Variants in ROBO1 observed in about 807,000 individuals in gnomAD.
ROBO1 encodes the protein roundabout guidance receptor 1.
ROBO1 carries 149 observed loss-of-function variants against 195.9 expected under a neutral mutation model. The ratio of observed to expected loss-of-function variants is 0.76; its 90% confidence interval spans 0.67 to 0.87. ROBO1 has a LOEUF of 0.87. Ranked by LOEUF, ROBO1 falls within the 40% of genes least tolerant of loss-of-function variation. ROBO1 has a pLI of 0.00. For missense variants in ROBO1, 1,933 were observed against 2,068.3 expected (o/e 0.93, Z 1.27); for synonymous variants, 816 against 733.2 (o/e 1.11, Z -1.82).
intron 3 of ROBO1, among the ~76,000 whole-genome samples, chr3:78,944,930 C>T (rs1177671936): frequency 6.6e-6 from 1 of 152,170 alleles, no homozygotes; most frequent in Non-Finnish European, 1.5e-5. Context: ...ACAGCAGTCC[C>T]AGATCAAACT....
At chr3:78,900,450 T>C (rs2037515836) in intron 4 of ROBO1, among the ~76,000 whole-genome samples, 1 of 152,172 alleles carries the variant, frequency 6.6e-6, no homozygotes, top group Non-Finnish European at 1.5e-5. Context: ...TTTCAGTTCT[T>C]ATACTGCAGC....
At chr3:78,645,224 TA>T (rs922651034) in intron 21 of ROBO1, among the ~76,000 whole-genome samples, 1 of 152,086 alleles carries the variant, frequency 6.6e-6, no homozygotes, top group Non-Finnish European at 1.5e-5. Flanking sequence ...TCTTTTTTTT[TA>T]AACCACTCTT....
In ROBO1 at chr3:78,801,547, TACAA is replaced by T. The variant is rs1048676009; in HGVS notation, c.500-54651_500-54648del. Among the ~76,000 whole-genome samples, 40 of 152,232 alleles carry T rather than the reference TACAA, an allele frequency of 2.6e-4. No homozygotes were observed. In the Middle Eastern group the frequency reaches 0.01, roughly 39 times the overall value. On this transcript the variant is annotated intron_variant, in intron 4 of 30. Transcript: ENST00000464233. ...TAAAATGAAAATGTCATATTTGGGC[TACAA>T]ATTTTTAAATAGAAAAAATATAATT...
intron 1 of ROBO1, among the ~76,000 whole-genome samples, chr3:79,715,111 G>A (rs1702432394): frequency 6.6e-6 from 1 of 152,042 alleles, no homozygotes; most frequent in African/African-American, 2.4e-5. Context: ...CAAAGACAAT[G>A]GTTTCTGGAG....
At chr3:79,227,060 A>G (rs1000731231) in intron 2 of ROBO1, among the ~76,000 whole-genome samples, 2 of 152,204 alleles carry the variant, frequency 1.3e-5, no homozygotes, top group African/African-American at 4.8e-5. Flanking sequence ...CTTCTGATCC[A>G]TACTCTAAAG....
rs191209446 is a variant in ROBO1, at chr3:78,688,601, A to G, written c.1170+47T>C. ...GGTTTTTCTTCTCATACATCTTGGC[A>G]ACCATCTTTGCTGATTTAAAAAAAA... is the stretch of plus-strand genomic sequence containing the variant. On this transcript the variant is annotated intron_variant, in intron 9 of 30. Transcript: ENST00000464233. 1.4e-4 allele frequency: 208 copies of G among 1,510,008 alleles called. 1 individual carries two copies. In the East Asian group the frequency reaches 2.3e-3, roughly 17 times the overall value. 93.5% of individuals were successfully genotyped at this position (1,510,008 alleles called of 1,614,324 possible).
intron 1 of ROBO1, among the ~76,000 whole-genome samples, chr3:79,669,746 A>T (rs1320420043): frequency 6.6e-6 from 1 of 151,928 alleles, no homozygotes; most frequent in African/African-American, 2.4e-5. Context: ...AGAAAAAAGG[A>T]TAAAAGGGAG....
intron 1 of ROBO1, among the ~76,000 whole-genome samples, chr3:79,692,983 T>A (rs182317276): frequency 6.6e-6 from 1 of 151,922 alleles, no homozygotes; most frequent in East Asian, 1.9e-4. Flanking sequence ...ATATAACAAA[T>A]GTGTTTTGAC....
At chr3:78,805,779 ATTAG>A (rs563917211) in intron 4 of ROBO1, among the ~76,000 whole-genome samples, 143 of 152,258 alleles carry the variant, frequency 9.4e-4, no homozygotes, top group African/African-American at 3.1e-3. Flanking sequence ...ATTTAGATCT[ATTAG>A]TTAGTATATA....
intron 2 of ROBO1, among the ~76,000 whole-genome samples, chr3:79,188,569 C>T (rs957535936): frequency 1.3e-5 from 2 of 151,598 alleles, no homozygotes; most frequent in African/African-American, 4.8e-5. Flanking sequence ...CACACATATA[C>T]GTCGTCTTTC....
At chr3:79,340,934 G>A (rs960927262) in intron 2 of ROBO1, among the ~76,000 whole-genome samples, 1 of 152,204 alleles carries the variant, frequency 6.6e-6, no homozygotes, top group African/African-American at 2.4e-5. Flanking sequence ...TTAAGCAGAT[G>A]TGATTAGGAA....
intron 4 of ROBO1, among the ~76,000 whole-genome samples, chr3:78,856,554 T>C (rs956973381): frequency 4.0e-5 from 6 of 151,766 alleles, no homozygotes; most frequent in Non-Finnish European, 8.8e-5. Flanking sequence ...TAACCAATAA[T>C]TGCAAGAGTC....
chr3:79,409,832 T>A (rs1338081607), intron 2 of ROBO1, among the ~76,000 whole-genome samples: 2 of 152,164 alleles, frequency 1.3e-5, no homozygotes, highest in Non-Finnish European at 2.9e-5. Context: ...TTTAAAAACA[T>A]AAAATTGAAT....
At chr3:79,678,665 C>A (rs2106953739) in intron 1 of ROBO1, among the ~76,000 whole-genome samples, 1 of 152,126 alleles carries the variant, frequency 6.6e-6, no homozygotes, top group South Asian at 2.1e-4. Context: ...GTAGGAGTTT[C>A]TTTGACTTCA....
intron 4 of ROBO1, among the ~76,000 whole-genome samples, chr3:78,868,466 G>A (rs1019809619): frequency 6.6e-6 from 1 of 151,982 alleles, no homozygotes; most frequent in African/African-American, 2.4e-5. Context: ...TGTTTAAAAT[G>A]TTATTGTCTT....
At chr3:79,690,413 A>G (rs1357686367) in intron 1 of ROBO1, among the ~76,000 whole-genome samples, 2 of 151,940 alleles carry the variant, frequency 1.3e-5, no homozygotes, top group Non-Finnish European at 2.9e-5. Flanking sequence ...GTCTTTGAAC[A>G]TAGAGGAACA....
intron 4 of ROBO1, among the ~76,000 whole-genome samples, chr3:78,815,419 A>C (rs963966254): frequency 6.6e-6 from 1 of 152,158 alleles, no homozygotes; most frequent in Non-Finnish European, 1.5e-5. Flanking sequence ...CTTTTTACTG[A>C]TATGGAAAAA....
intron 2 of ROBO1, among the ~76,000 whole-genome samples, chr3:79,422,364 T>A (rs923453956): frequency 6.6e-6 from 1 of 152,004 alleles, no homozygotes; most frequent in African/African-American, 2.4e-5. Flanking sequence ...TATGATTCCT[T>A]CTTACTAACC....
At chr3:79,384,065 T>C (rs1041467925) in intron 2 of ROBO1, among the ~76,000 whole-genome samples, 1 of 152,016 alleles carries the variant, frequency 6.6e-6, no homozygotes, top group African/African-American at 2.4e-5. Flanking sequence ...TATCAAAATA[T>C]CTTGTCCATT....
Sources: allele counts gnomAD v4.1 joint callset (sites outside exome capture counted in the v4.1 genomes callset), GRCh38; gene constraint gnomAD v4.1.1; transcripts MANE v1.5; gene names NCBI Gene and HGNC (gene_info 2026-07-23, HGNC 2026-07-21).